The following RERE variants were observed in gnomAD, a reference collection of about 807,000 sequenced individuals.
The protein encoded by RERE is arginine-glutamic acid dipeptide repeats.
A neutral mutation model predicts 146.1 loss-of-function variants in RERE; 40 were observed. The ratio of observed to expected loss-of-function variants is 0.27; its 90% confidence interval spans 0.21 to 0.36. The LOEUF (loss-of-function observed/expected upper bound fraction) is 0.36. Among genes scored for constraint, RERE ranks in the 10% least tolerant of loss-of-function variants. The probability of loss-of-function intolerance (pLI) is 1.00; values close to 1 mark genes in which losing one functional copy is unlikely to be tolerated. For synonymous variants in RERE, 1,003 were observed against 866.0 expected, an observed-to-expected ratio of 1.16 and a Z score of -2.78; for missense variants, 1,933 against 2,138.7, an observed-to-expected ratio of 0.90 and a Z score of 1.90.
chr1:8,450,548 G>A (rs768671371), intron 11 of RERE, among the ~76,000 whole-genome samples: 49 of 151,888 alleles, frequency 3.2e-4, no homozygotes, highest in Non-Finnish European at 4.6e-4. Flanking sequence ...CTCGCACGAC[G>A]TCCCCTAGAG....
intron 1 of RERE, among the ~76,000 whole-genome samples, chr1:8,776,309 CTTTT>C (rs926228458): frequency 1.3e-5 from 2 of 152,040 alleles, no homozygotes; most frequent in African/African-American, 4.8e-5. Flanking sequence ...TCATTCTTTT[CTTTT>C]TTAAGACAGG....
At chr1:8,367,543 A>G (rs1641859607) in intron 12 of RERE, among the ~76,000 whole-genome samples, 2 of 152,176 alleles carry the variant, frequency 1.3e-5, no homozygotes, top group Admixed American at 1.3e-4. Flanking sequence ...ATTACTCCTG[A>G]TCACCAATAC....
intron 7 of RERE, among the ~76,000 whole-genome samples, chr1:8,528,755 C>G (rs1269155637): frequency 6.6e-6 from 1 of 152,086 alleles, no homozygotes; most frequent in Non-Finnish European, 1.5e-5. Context: ...CTTCTAACCC[C>G]AAGCGTTTCA....
At chr1:8,450,761 T>C (rs772977833) in intron 11 of RERE, among the ~76,000 whole-genome samples, 4 of 152,172 alleles carry the variant, frequency 2.6e-5, no homozygotes. Context: ...CATCACAGTG[T>C]CAACCACTTG....
intron 12 of RERE, among the ~76,000 whole-genome samples, chr1:8,409,251 A>T (rs189741731): frequency 3.3e-4 from 51 of 152,344 alleles, no homozygotes; most frequent in Admixed American, 2.7e-3. Flanking sequence ...AGCCCCGACA[A>T]TGGTTGTAAA....
intron 6 of RERE, among the ~76,000 whole-genome samples, chr1:8,544,739 G>A (rs1645838070): frequency 6.6e-6 from 1 of 152,108 alleles, no homozygotes; most frequent in South Asian, 2.1e-4. Context: ...ACATTGTACT[G>A]TATATTAAAA....
intron 12 of RERE, among the ~76,000 whole-genome samples, chr1:8,391,750 TAGAGGCCGGGC>T (rs1413626547): frequency 6.6e-6 from 1 of 152,248 alleles, no homozygotes; most frequent in African/African-American, 2.4e-5. Flanking sequence ...ATTAAAATTC[TAGAGGCCGGGC>T]ATGGTGGCTC....
At chr1:8,712,305 C>G (rs1019000638) in intron 1 of RERE, among the ~76,000 whole-genome samples, 1 of 152,144 alleles carries the variant, frequency 6.6e-6, no homozygotes, top group South Asian at 2.1e-4. Flanking sequence ...AGAGCAAATA[C>G]TTGGGCTGCA....
At chr1:8,794,392 TC>T (rs1194311709) in intron 1 of RERE, among the ~76,000 whole-genome samples, 1 of 123,654 alleles carries the variant, frequency 8.1e-6, no homozygotes, top group African/African-American at 3.0e-5. Flanking sequence ...GCCTCTGAAA[TC>T]ATTTCAGGAA....
intron 1 of RERE, among the ~76,000 whole-genome samples, chr1:8,717,830 T>C (rs1172463873): frequency 1.3e-5 from 2 of 152,188 alleles, no homozygotes; most frequent in East Asian, 3.8e-4. Context: ...GAAGATGCCA[T>C]TGTGCTGTCT....
chr1:8,765,649 T>C (rs895371249), intron 1 of RERE, among the ~76,000 whole-genome samples: 8 of 152,016 alleles, frequency 5.3e-5, no homozygotes, highest in Admixed American at 3.9e-4. Context: ...TGAAACCCCA[T>C]CTCTACTAAA....
intron 1 of RERE, among the ~76,000 whole-genome samples, chr1:8,814,959 G>C (rs185552075): frequency 2.0e-5 from 3 of 152,304 alleles, no homozygotes; most frequent in African/African-American, 7.2e-5. Flanking sequence ...TTAGCAGCTC[G>C]GGGAAGTGGC....
chr1:8,499,982 T>C (rs1023502740), intron 8 of RERE, among the ~76,000 whole-genome samples: 3 of 152,162 alleles, frequency 2.0e-5, no homozygotes, highest in African/African-American at 7.2e-5. Context: ...TAGCCAGGCG[T>C]GGTGGCACAC....
At chr1:8,447,903 C>G (rs1001462941) in intron 11 of RERE, among the ~76,000 whole-genome samples, 1 of 152,170 alleles carries the variant, frequency 6.6e-6, no homozygotes, top group Non-Finnish European at 1.5e-5. Context: ...GTCTGGGGAG[C>G]CGATATTGGG....
rs576578063 is a variant in RERE at position 8,782,303 on chromosome 1, T to C, written c.-145+34857A>G. Among the ~76,000 whole-genome samples the C allele has an allele frequency of 3.9e-5, 6 of 152,258 alleles. No homozygotes were observed. The East Asian group carries it at 1.2e-3, about 29-fold the overall frequency. ...ATCTGGCTTCCAGGATGCCATATAA[T>C]ATAGTCTATGATTTCTTGGTTTTCC... On this transcript the variant is annotated intron_variant, in intron 1 of 22. Coordinates refer to ENST00000400908, the MANE Select transcript of RERE (RefSeq NM_001042681.2).
At chr1:8,425,321 G>C (rs1281328565) in intron 11 of RERE, 1 of 152,270 alleles carries the variant, frequency 6.6e-6, no homozygotes, top group Non-Finnish European at 1.5e-5. Context: ...TTGCACGTAA[G>C]ATAAGTATGT....
At position 8,739,800 on chromosome 1, in the gene RERE, C is replaced by T. The variant is rs537624960; in HGVS notation, c.-145+77360G>A. 4.6e-4 allele frequency among the ~76,000 whole-genome samples: 65 copies of T among 142,046 alleles called. 1 individual carries two copies. In the South Asian group the frequency reaches 0.015, roughly 32 times the overall value. The allele number at this position is 142,046 out of a possible 152,430, so 93.2% of individuals were successfully genotyped here. A position where few individuals can be genotyped will look rare whatever the true frequency, so the allele number is the denominator to read the frequency against. ...ATTTATTGAATCCATCTACTTCACT[C>T]CATCCACTTCACTCCATTATGATTA... is the stretch of plus-strand genomic sequence containing the variant. On this transcript the variant is annotated intron_variant, in intron 1 of 22. Transcript: ENST00000400908.
intron 10 of RERE, among the ~76,000 whole-genome samples, chr1:8,480,128 GTTTT>G (rs112068785): frequency 6.7e-5 from 9 of 135,230 alleles, no homozygotes; most frequent in African/African-American, 1.1e-4. Flanking sequence ...GCCTTTTTTT[GTTTT>G]TTTTTTTTTT....
Position 8,423,877 on chromosome 1 carries a change from C to CGCCCCGGCCCCG in RERE, c.1204-1082_1204-1071dup, listed in dbSNP as rs1195937684. On this transcript the variant is annotated intron_variant, in intron 11 of 22. Coordinates refer to ENST00000400908, the MANE Select transcript of RERE (RefSeq NM_001042681.2). The surrounding 1 kb of genome is among the most constrained non-coding windows in gnomAD (Gnocchi z 5.4). ...CTCCTGTCCGCCAGCCGGGGCCCCGCGCCCCGGCCCCGGCCCCGCCCCCGG... is the reference window on the plus strand; with the variant it reads ...CTCCTGTCCGCCAGCCGGGGCCCCGCGCCCCGGCCCCGGCCCCGGCCCCGGCCCCGCCCCCGG... 5.9e-6 allele frequency: 1 copy of CGCCCCGGCCCCG among 170,040 alleles called. No individual in the cohort carries two copies. The highest frequency in any genetic ancestry group is 2.4e-5 in the African/African-American group (1 of 41,424). 10.5% of individuals were successfully genotyped at this position (170,040 alleles called of 1,614,324 possible). A position where few individuals can be genotyped will look rare whatever the true frequency, so the allele number is the denominator to read the frequency against.
Sources: allele counts gnomAD v4.1 joint callset (sites outside exome capture counted in the v4.1 genomes callset), GRCh38; gene constraint gnomAD v4.1.1; non-coding constraint Gnocchi (gnomAD v3.1); transcripts MANE v1.5; gene names NCBI Gene and HGNC (gene_info 2026-07-23, HGNC 2026-07-21).